Variants in PARN observed in about 807,000 individuals in gnomAD.
PARN encodes poly(A)-specific ribonuclease.
Under a neutral mutation model 102.8 loss-of-function variants are expected in PARN, and 71 were observed. The observed-to-expected ratio is 0.69, with a 90% CI of 0.57 to 0.84. The LOEUF is 0.84. Among genes scored for constraint, PARN ranks in the 40% least tolerant of loss-of-function variants. The probability of loss-of-function intolerance (pLI) is 0.00; values close to 1 mark genes in which losing one functional copy is unlikely to be tolerated. For synonymous variants in PARN, 261 were observed against 252.9 expected (o/e 1.03, Z -0.30); for missense variants, 782 against 760.9 (o/e 1.03, Z -0.33).
intron 23 of PARN, among the ~76,000 whole-genome samples, chr16:14,445,936 C>T (rs1012038620): frequency 1.1e-4 from 16 of 152,172 alleles, no homozygotes; most frequent in African/African-American, 2.9e-4. Flanking sequence ...TTTGGGCCTC[C>T]GTTTTCTTAA....
chr16:14,447,938 TTATCTATC>T (rs10539138), intron 22 of PARN, among the ~76,000 whole-genome samples: 21,036 of 147,938 alleles, frequency 0.14, 1,503 homozygotes, highest in South Asian at 0.18. Flanking sequence ...CTTTTAAATT[TTATCTATC>T]TATCTATCTA....
At position 14,457,797 on chromosome 16, in the gene PARN, C is replaced by CAAA. The variant is rs35170336; in HGVS notation, c.1671-10719_1671-10717dup. Among the ~76,000 whole-genome samples, 20 of 30,154 alleles carry CAAA rather than the reference C, an allele frequency of 6.6e-4. 1 individual carries two copies. The highest frequency in any genetic ancestry group is 1.6e-3 in the African/African-American group (10 of 6,422). 19.8% of individuals were successfully genotyped at this position (30,154 alleles called of 152,430 possible). A position where few individuals can be genotyped will look rare whatever the true frequency, so the allele number is the denominator to read the frequency against. On this transcript the variant is annotated intron_variant, in intron 22 of 23. Transcript: ENST00000437198. ...TGGGGGACACAGTGAGACTCTGTCT[C>CAAA]AAAAAAAAAAAAAAAAAAAAAAAAA...
In PARN at chr16:14,589,880, C is replaced by T. The variant is rs1399036671; in HGVS notation, c.918+3421G>A. Reference sequence around the variant, plus strand: ...AGACTCCATCTCAAAAAAAAAGGTGCGAAAGTGAAGAAAAAAGAAAAGAAA... The same window carrying T: ...AGACTCCATCTCAAAAAAAAAGGTGTGAAAGTGAAGAAAAAAGAAAAGAAA... On this transcript the variant is annotated intron_variant, in intron 13 of 23. Transcript: ENST00000437198. Among the ~76,000 whole-genome samples, 6 of 144,804 alleles carry T rather than the reference C, an allele frequency of 4.1e-5. No homozygotes were observed. The East Asian group carries it at 6.2e-4, about 15-fold the overall frequency. The allele number at this position is 144,804 out of a possible 152,430, so 95.0% of individuals were successfully genotyped here.
chr16:14,564,497 A>C (rs1340430673), intron 18 of PARN, among the ~76,000 whole-genome samples: 1 of 152,142 alleles, frequency 6.6e-6, no homozygotes, highest in Non-Finnish European at 1.5e-5. Context: ...CTACCTGGGC[A>C]TGGGGCTTGC....
At chr16:14,600,086 C>G (rs1970786399) in intron 11 of PARN, 126 bp from the exon 12 acceptor site, 1 of 524,680 alleles carries the variant, frequency 1.9e-6, no homozygotes. Flanking sequence ...GTTTCCTGTG[C>G]TTTGCGCCTA....
At chr16:14,482,925 C>T (rs576744138) in intron 21 of PARN, 98 bp from the exon 22 acceptor site, 2 of 984,346 alleles carry the variant, frequency 2.0e-6, no homozygotes, top group African/African-American at 3.3e-5. Context: ...TCAAAGGAGC[C>T]CCATCAGGCC....
At chr16:14,523,913 G>A (rs569261716) in intron 21 of PARN, among the ~76,000 whole-genome samples, 5 of 151,814 alleles carry the variant, frequency 3.3e-5, no homozygotes, top group East Asian at 1.9e-4. Context: ...CCTACTACAC[G>A]CCTGGGCTAT....
chr16:14,441,097 T>C (rs1156487991), intron 23 of PARN, among the ~76,000 whole-genome samples: 2 of 152,112 alleles, frequency 1.3e-5, no homozygotes, highest in African/African-American at 2.4e-5. Context: ...AATACTATGC[T>C]TATAGTTAAG....
At chr16:14,604,783 T>A (rs1971084325) in intron 10 of PARN, among the ~76,000 whole-genome samples, 1 of 151,932 alleles carries the variant, frequency 6.6e-6, no homozygotes, top group South Asian at 2.1e-4. Context: ...GCCCAGCTAA[T>A]TTTTGTATTT....
intron 18 of PARN, among the ~76,000 whole-genome samples, chr16:14,563,564 G>A (rs540371555): frequency 2.7e-5 from 4 of 150,540 alleles, no homozygotes; most frequent in Non-Finnish European, 5.9e-5. Flanking sequence ...TGCAGGACAC[G>A]CAGGTTAAAT....
chr16:14,595,508 G>C (rs995931353), intron 12 of PARN, among the ~76,000 whole-genome samples: 8 of 152,006 alleles, frequency 5.3e-5, no homozygotes, highest in African/African-American at 1.9e-4. Context: ...GGGACCACAG[G>C]CATGTGCCAC....
chr16:14,508,128 T>C (rs1266887738), intron 21 of PARN, among the ~76,000 whole-genome samples: 1 of 152,246 alleles, frequency 6.6e-6, no homozygotes, highest in Non-Finnish European at 1.5e-5. Flanking sequence ...TTTTTATAAA[T>C]ACTTTTTATC....
intron 13 of PARN, among the ~76,000 whole-genome samples, chr16:14,589,371 C>G (rs1970035347): frequency 6.6e-6 from 1 of 151,596 alleles, no homozygotes; most frequent in Non-Finnish European, 1.5e-5. Flanking sequence ...CGAGAGCAGC[C>G]TGGGCAAATG....
chr16:14,562,990 T>C (rs534257244), intron 18 of PARN, among the ~76,000 whole-genome samples: 1 of 152,312 alleles, frequency 6.6e-6, no homozygotes, highest in Admixed American at 6.5e-5. Context: ...TGCAAAACAA[T>C]GCTGCTATTA....
chr16:14,555,658 T>C lies in PARN; in HGVS notation c.1314A>G (p.Pro438=). ...AGAAAATAAAAATTTACTTACAGTC[T>C]GGTCCTTCCAAGTTTAGATAGGGGA... ...MDIPYLNLEG[P]DLQPKRDHVL... Residue 438 remains proline, a synonymous_variant, in exon 19 of 24, where the codon CCA becomes CCG. Coordinates refer to ENST00000437198, the MANE Select transcript of PARN (RefSeq NM_002582.4). 7.0e-7 allele frequency: 1 copy of C among 1,421,910 alleles called. No homozygotes were observed. 88.1% of individuals were successfully genotyped at this position (1,421,910 alleles called of 1,614,324 possible). A position where few individuals can be genotyped will look rare whatever the true frequency, so the allele number is the denominator to read the frequency against.
At chr16:14,599,792 G>A (rs1970764732) in intron 12 of PARN, 112 bp downstream of exon 12, 3 of 660,226 alleles carry the variant, frequency 4.5e-6, no homozygotes, top group Non-Finnish European at 2.6e-6. Context: ...TTCTTAGAAT[G>A]TTCTAGGTAA....
intron 21 of PARN, among the ~76,000 whole-genome samples, chr16:14,548,759 G>A (rs1312673792): frequency 6.6e-6 from 1 of 152,072 alleles, no homozygotes; most frequent in East Asian, 1.9e-4. Flanking sequence ...GTTCGAAATC[G>A]GCCTGGCCAA....
chr16:14,571,642 A>G lies in PARN; in HGVS notation c.1262+9232T>C, dbSNP rs768467536. 3.3e-5 allele frequency among the ~76,000 whole-genome samples: 5 copies of G among 152,366 alleles called. No individual in the cohort carries two copies. In the South Asian group the frequency reaches 8.3e-4, roughly 25 times the overall value. On this transcript the variant is annotated intron_variant, in intron 18 of 23. Transcript: ENST00000437198. ...TCTGTCCCCCACATCTAGTCAGAGA[A>G]GTGTCTCAAACTATGTCACCACAGC...
chr16:14,594,253 C>T (rs908360504), intron 12 of PARN, among the ~76,000 whole-genome samples: 2 of 152,232 alleles, frequency 1.3e-5, no homozygotes, highest in African/African-American at 2.4e-5. Flanking sequence ...CACTGCCTTT[C>T]AGCCAACCGA....
Sources: allele counts gnomAD v4.1 joint callset (sites outside exome capture counted in the v4.1 genomes callset), GRCh38; gene constraint gnomAD v4.1.1; transcripts MANE v1.5; gene names NCBI Gene and HGNC (gene_info 2026-07-23, HGNC 2026-07-21).